The following ANKRD18A variants were observed in gnomAD, a reference collection of about 807,000 sequenced individuals.
ANKRD18A encodes ankyrin repeat domain 18A.
A neutral mutation model predicts 110.6 loss-of-function variants in ANKRD18A; 72 were observed. The observed-to-expected ratio is 0.65, with a 90% CI of 0.54 to 0.79. The LOEUF is 0.79. Among genes scored for constraint, ANKRD18A ranks in the 30% least tolerant of loss-of-function variants. The pLI, the probability that ANKRD18A is intolerant of heterozygous loss-of-function variation, is 0.00. For missense variants in ANKRD18A, 934 were observed against 1,163.3 expected, an observed-to-expected ratio of 0.80 and a Z score of 2.87; for synonymous variants, 305 against 410.3, an observed-to-expected ratio of 0.74 and a Z score of 3.10.
chr9:38,618,198 A>T (rs1369796160), intron 1 of ANKRD18A, among the ~76,000 whole-genome samples: 4 of 152,288 alleles, frequency 2.6e-5, no homozygotes, highest in African/African-American at 7.2e-5. Flanking sequence ...TTAATAATAA[A>T]TTTTTACTAG....
chr9:38,584,404 A>G (rs568864109), intron 12 of ANKRD18A, among the ~76,000 whole-genome samples: 2 of 152,330 alleles, frequency 1.3e-5, no homozygotes, highest in African/African-American at 4.8e-5. Flanking sequence ...GGAGGAAGGG[A>G]AAACTAGTGA....
rs903478577 is a variant in ANKRD18A, at chr9:38,595,733, A to C, written c.1607T>G (p.Ile536Ser). The C allele has an allele frequency of 2.6e-5, 41 of 1,551,298 alleles. No homozygotes were observed. Among genetic ancestry groups the C allele is most frequent in the Non-Finnish European group, 3.6e-5 (41 of 1,146,728 alleles). The change falls in exon 9 of 16, where the codon ATT becomes AGT. Residue 536 changes from isoleucine to serine, a missense_variant. Ile to Ser is a moderately radical substitution (Grantham distance 142, BLOSUM62 -2). Transcript: ENST00000399703. Reference sequence around the variant, plus strand: ...CTCCTCTAAAGAGTTCTGCTTTCCAATGGATTGACTTTCTTTAGCTTCTCC... The same window carrying C: ...CTCCTCTAAAGAGTTCTGCTTTCCACTGGATTGACTTTCTTTAGCTTCTCC... ...PNGEAKESQS[I>S]GKQNSLEERI...
Position 38,575,662 on chromosome 9 carries a change from G to A in ANKRD18A, c.2778C>T (p.Leu926=). The A allele has an allele frequency of 6.4e-7, 1 of 1,551,846 alleles. No individual in the cohort carries two copies. The highest frequency in any genetic ancestry group is 2.4e-5 in the East Asian group (1 of 40,896). The change falls in exon 15 of 16, where the codon CTC becomes CTT. Residue 926 remains leucine (L), a synonymous_variant. Coordinates refer to ENST00000399703, the MANE Select transcript of ANKRD18A (RefSeq NM_147195.4). The stretch of plus-strand genomic sequence containing the variant: ...ATTTCATCCGCTGTTTCTCCGTAAA[G>A]AGCTTGGTGCTGATCACTGCTATTT... ...DKKIAVISTK[L]FTEKQRMKYF...
intron 6 of ANKRD18A, 90 bp from the exon 7 acceptor site, chr9:38,603,302 G>A (rs1825211063): frequency 3.3e-6 from 5 of 1,517,606 alleles, no homozygotes; most frequent in Non-Finnish European, 4.4e-6. Flanking sequence ...TACTCTGCAT[G>A]CTTACCCTAA....
Position 38,588,416 on chromosome 9 carries a change from A to C in ANKRD18A, c.2117+135T>G, listed in dbSNP as rs963049948. On this transcript the variant is annotated intron_variant, in intron 11 of 15. Coordinates refer to ENST00000399703, the MANE Select transcript of ANKRD18A (RefSeq NM_147195.4). The stretch of plus-strand genomic sequence containing the variant: ...AAGTTGTGTTGTCAGTTTCTGAAAT[A>C]CATTTTAAAACAGAATTCATTTAAT... 3 of 616,418 alleles carry C rather than the reference A, an allele frequency of 4.9e-6. No homozygotes were observed. The African/African-American group carries it at 5.9e-5, about 12-fold the overall frequency. The allele number at this position is 616,418 out of a possible 1,614,324, so 38.2% of individuals were successfully genotyped here.
chr9:38,611,322 C>G lies in ANKRD18A; in HGVS notation c.496-1G>C. 1 of 1,513,842 alleles carries G rather than the reference C, an allele frequency of 6.6e-7. No individual in the cohort carries two copies. Among genetic ancestry groups the G allele is most frequent in the Non-Finnish European group, 8.8e-7 (1 of 1,134,898 alleles). The allele number at this position is 1,513,842 out of a possible 1,614,324, so 93.8% of individuals were successfully genotyped here. Reference sequence around the variant, plus strand: ...CAAACAAAAGTGGAGTGTTTCCCTCCTGTAAGAAAGCAAAAACAATTTATA... The same window carrying G: ...CAAACAAAAGTGGAGTGTTTCCCTCGTGTAAGAAAGCAAAAACAATTTATA... On this transcript the variant is annotated splice_acceptor_variant, in intron 3 of 15. Transcript: ENST00000399703. LOFTEE classifies it high-confidence loss of function.
chr9:38,611,107 T>C, intron 4 of ANKRD18A, 108 bp downstream of exon 4: 7 of 1,433,918 alleles, frequency 4.9e-6, no homozygotes, highest in Non-Finnish European at 6.4e-6. Flanking sequence ...TATATGCCAA[T>C]AATTATAAGT....
intron 7 of ANKRD18A, 93 bp from the exon 8 acceptor site, chr9:38,601,297 G>A (rs1300094817): frequency 4.1e-6 from 5 of 1,217,254 alleles, no homozygotes; most frequent in Non-Finnish European, 5.7e-6. Context: ...TTTATAAATT[G>A]AGAGTTTAAA....
chr9:38,600,739 C>CTCCTTT (rs1825085863), intron 8 of ANKRD18A, among the ~76,000 whole-genome samples: 1 of 152,176 alleles, frequency 6.6e-6, no homozygotes, highest in South Asian at 2.1e-4. Flanking sequence ...GCAGTTTGAA[C>CTCCTTT]CACCGGGAAT....
chr9:38,574,366 T>C (rs1823787487), intron 15 of ANKRD18A, among the ~76,000 whole-genome samples: 1 of 152,262 alleles, frequency 6.6e-6, no homozygotes, highest in South Asian at 2.1e-4. Context: ...GCAATGAACA[T>C]ACATGTGCAT....
intron 9 of ANKRD18A, 83 bp from the exon 10 acceptor site, chr9:38,593,992 T>C: frequency 3.9e-6 from 5 of 1,281,888 alleles, no homozygotes; most frequent in Non-Finnish European, 5.1e-6. Context: ...ATACATACTT[T>C]GAAAATTATT....
chr9:38,614,856 G>A (rs948412166), intron 3 of ANKRD18A, among the ~76,000 whole-genome samples: 10 of 152,102 alleles, frequency 6.6e-5, no homozygotes, highest in African/African-American at 1.9e-4. Context: ...TGTTTTTGCC[G>A]GGATGGGTAA....
intron 8 of ANKRD18A, among the ~76,000 whole-genome samples, chr9:38,599,448 T>C (rs190749619): frequency 5.7e-4 from 86 of 152,180 alleles, no homozygotes; most frequent in Middle Eastern, 3.4e-3. Context: ...CAATCTTCAG[T>C]TGAACTTTTT....
chr9:38,566,418 TA>T (rs1823485765), downstream of ANKRD18A: 1 of 152,220 alleles, frequency 6.6e-6, no homozygotes, highest in Non-Finnish European at 1.5e-5. Context: ...TTCTTATTTC[TA>T]TCTGAGACCT....
intron 12 of ANKRD18A, among the ~76,000 whole-genome samples, chr9:38,579,114 A>G (rs1824039814): frequency 6.6e-6 from 1 of 152,222 alleles, no homozygotes; most frequent in Non-Finnish European, 1.5e-5. Context: ...CTTCAAATGA[A>G]TAGCGCTGGG....
At chr9:38,580,440 AG>A (rs1824109296) in intron 12 of ANKRD18A, among the ~76,000 whole-genome samples, 2 of 152,212 alleles carry the variant, frequency 1.3e-5, no homozygotes, top group Non-Finnish European at 2.9e-5. Flanking sequence ...ACAACAAAAA[AG>A]CTCATAGAAG....
At chr9:38,606,884 A>T (rs1172796295) in intron 6 of ANKRD18A, among the ~76,000 whole-genome samples, 1 of 152,156 alleles carries the variant, frequency 6.6e-6, no homozygotes, top group Non-Finnish European at 1.5e-5. Context: ...AATTTCAAGG[A>T]TCATAAGTAG....
chr9:38,596,041 G>A lies in ANKRD18A; in HGVS notation c.1299C>T (p.Tyr433=). The change falls in exon 9 of 16, where the codon TAC becomes TAT. Residue 433 remains tyrosine, a synonymous_variant. Transcript: ENST00000399703. ...HSSLATAINE[Y]NEIVERKDLE... ...GGTCTTTTCTTTCCACAATTTCATTGTACTCATTTATAGCAGTGGCCAGGC... is the reference window on the plus strand; with the variant it reads ...GGTCTTTTCTTTCCACAATTTCATTATACTCATTTATAGCAGTGGCCAGGC... The A allele has an allele frequency of 6.4e-7, 1 of 1,550,800 alleles. No individual in the cohort carries two copies. Among genetic ancestry groups the A allele is most frequent in the Non-Finnish European group, 8.7e-7 (1 of 1,146,600 alleles).
chr9:38,597,935 G>A lies in ANKRD18A; in HGVS notation c.937-1532C>T, dbSNP rs559945397. On this transcript the variant is annotated intron_variant, in intron 8 of 15. Transcript: ENST00000399703. ...TTCAACAGAAACATTGGAGAGTGGT[G>A]ATTTTCTTAAATATGTGAAAGTATG... Among the ~76,000 whole-genome samples, 21 of 152,246 alleles carry A rather than the reference G, an allele frequency of 1.4e-4. No individual in the cohort carries two copies. The East Asian group carries it at 4.1e-3, about 29-fold the overall frequency.
Sources: allele counts gnomAD v4.1 joint callset (sites outside exome capture counted in the v4.1 genomes callset), GRCh38; gene constraint gnomAD v4.1.1; transcripts MANE v1.5; gene names NCBI Gene and HGNC (gene_info 2026-07-23, HGNC 2026-07-21).